The following FGF12 variants were observed in gnomAD, a reference collection of about 807,000 sequenced individuals.
FGF12 encodes the protein fibroblast growth factor 12B.
In FGF12, 14 loss-of-function variants were observed where a neutral mutation model predicts 23.6. The ratio of observed to expected loss-of-function variants is 0.59; its 90% CI spans 0.39 to 0.93. FGF12 has a LOEUF of 0.93. FGF12 is among the 40% of genes least tolerant of loss of function. The pLI is 0.00. For synonymous variants in FGF12, 62 were observed against 77.3 expected, an observed-to-expected ratio of 0.80 and a Z score of 1.04; for missense variants, 175 against 217.8, an observed-to-expected ratio of 0.80 and a Z score of 1.24.
intron 4 of FGF12, among the ~76,000 whole-genome samples, chr3:192,266,594 T>G (rs934077396): frequency 3.4e-4 from 51 of 152,132 alleles, no homozygotes; most frequent in African/African-American, 1.2e-3. Context: ...TTAAAATATG[T>G]CATAGCAATA....
chr3:192,686,049 C>A (rs191231696), intron 2 of FGF12, among the ~76,000 whole-genome samples: 1 of 152,242 alleles, frequency 6.6e-6, no homozygotes, highest in African/African-American at 2.4e-5. Context: ...AAGGAAGGAG[C>A]TAGAAAGAGT....
intron 2 of FGF12, among the ~76,000 whole-genome samples, chr3:192,701,332 A>T (rs1718290993): frequency 6.6e-6 from 1 of 152,198 alleles, no homozygotes; most frequent in Non-Finnish European, 1.5e-5. Context: ...TAAAACGTAT[A>T]AAACCAAGCC....
intron 2 of FGF12, among the ~76,000 whole-genome samples, chr3:192,423,760 T>C (rs888401089): frequency 2.0e-5 from 3 of 152,188 alleles, no homozygotes; most frequent in African/African-American, 7.2e-5. Flanking sequence ...AGGTTTAATT[T>C]TTCTATTAAA....
At chr3:192,517,891 A>G (rs1341924144) in intron 2 of FGF12, among the ~76,000 whole-genome samples, 1 of 152,192 alleles carries the variant, frequency 6.6e-6, no homozygotes, top group Non-Finnish European at 1.5e-5. Flanking sequence ...CACACAGAGT[A>G]CAGTCTTTCT....
At position 192,167,771 on chromosome 3, in the gene FGF12, A is replaced by ATTTTTTTTTT. The variant is rs1560175808; in HGVS notation, c.427+2686_427+2687insAAAAAAAAAA. Among the ~76,000 whole-genome samples the ATTTTTTTTTT allele has an allele frequency of 2.8e-4, 6 of 21,312 alleles. 1 individual carries two copies. Among genetic ancestry groups the ATTTTTTTTTT allele is most frequent in the African/African-American group, 6.9e-4 (4 of 5,816 alleles). 14.0% of individuals were successfully genotyped at this position (21,312 alleles called of 152,430 possible). Reference sequence around the variant, plus strand: ...TATATATATATATATATATATATAAAATTTTTTTTTTTTTTTTTTTTTGAG... The same window carrying ATTTTTTTTTT: ...TATATATATATATATATATATATAAATTTTTTTTTTATTTTTTTTTTTTTTTTTTTTTGAG... On this transcript the variant is annotated intron_variant, in intron 5 of 5. Transcript: ENST00000445105.
intron 4 of FGF12, among the ~76,000 whole-genome samples, chr3:192,271,046 AAATC>A (rs1320063943): frequency 6.6e-6 from 1 of 152,148 alleles, no homozygotes. Context: ...AACTGGACCA[AAATC>A]AATCAATTAG....
intron 2 of FGF12, among the ~76,000 whole-genome samples, chr3:192,544,053 A>T (rs1725436455): frequency 6.6e-6 from 1 of 152,146 alleles, no homozygotes; most frequent in Admixed American, 6.5e-5. Context: ...CCCCAAGTTC[A>T]CTGGTTCTGA....
chr3:192,451,315 G>A (rs897221363), intron 2 of FGF12, among the ~76,000 whole-genome samples: 1 of 152,180 alleles, frequency 6.6e-6, no homozygotes, highest in Non-Finnish European at 1.5e-5. Flanking sequence ...CTATGCCATT[G>A]TAAGTATCAA....
At chr3:192,497,491 A>C (rs546283166) in intron 2 of FGF12, among the ~76,000 whole-genome samples, 85 of 152,298 alleles carry the variant, frequency 5.6e-4, no homozygotes, top group African/African-American at 2.0e-3. Context: ...CGTTGTCCAA[A>C]ATCCTTCCAT....
In FGF12 at chr3:192,143,493, G is replaced by A. The variant is rs1713523500; in HGVS notation, c.*516C>T. ...TAATTTGGAAATGTTCAATTTCATG[G>A]TTACAAAAAAAATCCTGCAAACAGA... On this transcript the variant is annotated 3_prime_UTR_variant, in exon 6 of 6. Coordinates refer to ENST00000445105, the MANE Select transcript of FGF12 (RefSeq NM_004113.6). The A allele has an allele frequency of 1.3e-5, 2 of 151,898 alleles. No homozygotes were observed. Among genetic ancestry groups the A allele is most frequent in the African/African-American group, 4.8e-5 (2 of 41,328 alleles). The allele number at this position is 151,898 out of a possible 1,614,324, so 9.4% of individuals were successfully genotyped here. A position where few individuals can be genotyped will look rare whatever the true frequency, so the allele number is the denominator to read the frequency against.
intron 2 of FGF12, among the ~76,000 whole-genome samples, chr3:192,702,076 C>T (rs1718315965): frequency 6.6e-6 from 1 of 152,120 alleles, no homozygotes; most frequent in African/African-American, 2.4e-5. Flanking sequence ...TCTATGTATT[C>T]GACTTTTTAA....
intron 2 of FGF12, among the ~76,000 whole-genome samples, chr3:192,657,161 C>T (rs1283514904): frequency 6.6e-6 from 1 of 151,824 alleles, no homozygotes; most frequent in Non-Finnish European, 1.5e-5. Flanking sequence ...AGAATGCTTC[C>T]TGAAATGTAC....
chr3:192,250,462 A>G lies in FGF12; in HGVS notation c.229-79806T>C, dbSNP rs1423896877. On this transcript the variant is annotated intron_variant, in intron 4 of 5. Transcript: ENST00000445105. ...ACTTAATATTTACACCTTGAGAAAA[A>G]ATTATGCCACAATACAAGCATAAGT... is the stretch of plus-strand genomic sequence containing the variant. Among the ~76,000 whole-genome samples the G allele has an allele frequency of 2.6e-5, 4 of 152,126 alleles. No individual in the cohort carries two copies. The East Asian group carries it at 7.8e-4, about 29-fold the overall frequency.
intron 2 of FGF12, among the ~76,000 whole-genome samples, chr3:192,543,766 GTGGATTCCCTTTTGGCCCA>G (rs1725430661): frequency 6.6e-6 from 1 of 152,180 alleles, no homozygotes; most frequent in African/African-American, 2.4e-5. Context: ...CTTCAAGGCA[GTGGATTCCCTTTTGGCCCA>G]GGGTGTGTCT....
chr3:192,452,511 C>G (rs1464959586), intron 2 of FGF12, among the ~76,000 whole-genome samples: 6 of 152,122 alleles, frequency 3.9e-5, no homozygotes, highest in African/African-American at 1.4e-4. Context: ...TTCTATTGGT[C>G]TCATGATATG....
chr3:192,408,648 C>T lies in FGF12; in HGVS notation c.14-48110G>A, dbSNP rs1721068542. The T allele has an allele frequency of 9.7e-7, 1 of 1,029,738 alleles. No homozygotes were observed. Among genetic ancestry groups the T allele is most frequent in the Non-Finnish European group, 1.2e-6 (1 of 857,552 alleles). The allele number at this position is 1,029,738 out of a possible 1,614,324, so 63.8% of individuals were successfully genotyped here. A position where few individuals can be genotyped will look rare whatever the true frequency, so the allele number is the denominator to read the frequency against. ...CGTGCCTCTGTTGGAGAGGCGCAAG[C>T]GTTGTAAGGTGTCCAAAGTATACCT... On this transcript the variant is annotated intron_variant, in intron 2 of 5. Transcript: ENST00000445105. This position sits in a 1 kb window ranked among gnomAD's most constrained non-coding sequence, Gnocchi z 7.3.
intron 2 of FGF12, among the ~76,000 whole-genome samples, chr3:192,724,744 T>A (rs1222672512): frequency 2.0e-5 from 3 of 152,162 alleles, no homozygotes; most frequent in Admixed American, 6.5e-5. Flanking sequence ...AATAAATTGA[T>A]CTTATTTGTA....
intron 4 of FGF12, among the ~76,000 whole-genome samples, chr3:192,187,248 G>A (rs1419985999): frequency 6.6e-6 from 1 of 152,128 alleles, no homozygotes. Context: ...TGCTAGAGTC[G>A]ACGAGTTTTA....
At chr3:192,618,742 T>C (rs180779175) in intron 2 of FGF12, among the ~76,000 whole-genome samples, 147 of 151,768 alleles carry the variant, frequency 9.7e-4, no homozygotes, top group Non-Finnish European at 2.4e-4. Flanking sequence ...TCTGCCTTCA[T>C]AGATCAAAGT....
Sources: gnomAD v4.1 joint callset for allele counts (sites outside exome capture counted in the v4.1 genomes callset) on GRCh38, gnomAD v4.1.1 for gene constraint, Gnocchi (gnomAD v3.1) non-coding constraint, MANE v1.5 for transcripts, NCBI Gene and HGNC (gene_info 2026-07-23, HGNC 2026-07-21) for gene names.